DAB1: variants seen among roughly 807,000 people sequenced by gnomAD.
The protein encoded by DAB1 is DAB adaptor protein 1, also known as disabled homolog 1.
In DAB1, 15 loss-of-function variants were observed where a neutral mutation model predicts 64.6. The ratio of observed to expected loss-of-function variants is 0.23; its 90% CI spans 0.16 to 0.36. The LOEUF (loss-of-function observed/expected upper bound fraction) is 0.36, where lower values mean the gene tolerates loss of function less well. DAB1 is among the 10% of genes least tolerant of loss of function. The pLI is 1.00. For missense variants in DAB1, 596 were observed against 706.7 expected (o/e 0.84, Z 1.78); for synonymous variants, 235 against 251.9 (o/e 0.93, Z 0.64).
chr1:57,078,665 A>G (rs1652207768), intron 4 of DAB1, among the ~76,000 whole-genome samples: 1 of 152,172 alleles, frequency 6.6e-6, no homozygotes, highest in South Asian at 2.1e-4. Context: ...ATGTAAAGTG[A>G]CCAGAACAGT....
intron 6 of DAB1, among the ~76,000 whole-genome samples, chr1:57,761,509 T>C (rs1649085831): frequency 6.6e-6 from 1 of 152,172 alleles, no homozygotes; most frequent in African/African-American, 2.4e-5. Flanking sequence ...TTGCTGCCAA[T>C]TTCATTGCTC....
chr1:58,447,857 C>CAA (rs67071278), intron 3 of DAB1, among the ~76,000 whole-genome samples: 11,194 of 43,424 alleles, frequency 0.26, 460 homozygotes, highest in East Asian at 0.48. Context: ...ATGACTTAAA[C>CAA]AAAAAAAAAA....
At chr1:58,024,303 G>A (rs144907612) in intron 5 of DAB1, among the ~76,000 whole-genome samples, 1 of 151,072 alleles carries the variant, frequency 6.6e-6, no homozygotes, top group East Asian at 2.0e-4. Context: ...AGAAGCTCGG[G>A]GTTTGAGTTG....
intron 1 of DAB1, among the ~76,000 whole-genome samples, chr1:57,315,438 G>T (rs985982660): frequency 6.6e-6 from 1 of 152,166 alleles, no homozygotes. Flanking sequence ...CAGATGGGTG[G>T]ATAGTTAGGT....
At chr1:57,737,385 G>A (rs973220559) in intron 6 of DAB1, among the ~76,000 whole-genome samples, 1 of 152,208 alleles carries the variant, frequency 6.6e-6, no homozygotes, top group Non-Finnish European at 1.5e-5. Flanking sequence ...CCACTGGGCT[G>A]CATTTGAATC....
chr1:57,636,169 C>T (rs1646054831), intron 7 of DAB1, among the ~76,000 whole-genome samples: 1 of 151,216 alleles, frequency 6.6e-6, no homozygotes, highest in Non-Finnish European at 1.5e-5. Context: ...AGCACTCTCT[C>T]CCATTCTCTA....
intron 2 of DAB1, among the ~76,000 whole-genome samples, chr1:58,522,517 T>C (rs1172431051): frequency 6.6e-6 from 1 of 152,160 alleles, no homozygotes; most frequent in Non-Finnish European, 1.5e-5. Context: ...AGATACAAAG[T>C]TGCCCATCAC....
intron 3 of DAB1, among the ~76,000 whole-genome samples, chr1:58,353,117 CA>C (rs1384503261): frequency 1.3e-5 from 2 of 151,984 alleles, no homozygotes; most frequent in Admixed American, 1.3e-4. Context: ...CCACTTTTCC[CA>C]AAGGTCCCCT....
chr1:57,343,582 C>G (rs528506968), intron 1 of DAB1, among the ~76,000 whole-genome samples: 2 of 152,232 alleles, frequency 1.3e-5, no homozygotes, highest in African/African-American at 2.4e-5. Flanking sequence ...CTGCAGGTCC[C>G]GAGCCCTGCC....
chr1:57,678,992 C>T (rs987138025), intron 6 of DAB1, among the ~76,000 whole-genome samples: 13 of 151,820 alleles, frequency 8.6e-5, no homozygotes, highest in East Asian at 1.9e-4. Flanking sequence ...AGGAAGGTCT[C>T]GATCTTCTGA....
chr1:57,223,144 C>T (rs916852481), intron 2 of DAB1, among the ~76,000 whole-genome samples: 3 of 152,176 alleles, frequency 2.0e-5, no homozygotes, highest in Non-Finnish European at 4.4e-5. Flanking sequence ...TGCCTCTCCT[C>T]CTTCAGTTCT....
intron 9 of DAB1, among the ~76,000 whole-genome samples, chr1:57,043,543 G>A (rs1648064218): frequency 6.6e-6 from 1 of 152,152 alleles, no homozygotes; most frequent in African/African-American, 2.4e-5. Context: ...GGTCAAAGTG[G>A]TCTTTAAAAA....
chr1:58,545,657 T>C (rs1486909815), intron 1 of DAB1, among the ~76,000 whole-genome samples: 1 of 152,232 alleles, frequency 6.6e-6, no homozygotes, highest in Non-Finnish European at 1.5e-5. Context: ...TTTCAGATCC[T>C]TAATTCTTTA....
intron 3 of DAB1, among the ~76,000 whole-genome samples, chr1:57,143,024 G>T (rs1266978869): frequency 2.6e-5 from 4 of 152,174 alleles, no homozygotes; most frequent in Non-Finnish European, 5.9e-5. Flanking sequence ...GTCCGCTTGG[G>T]ATGGAAGGTA....
At chr1:58,461,183 C>T (rs1047542903) in intron 3 of DAB1, among the ~76,000 whole-genome samples, 1 of 152,102 alleles carries the variant, frequency 6.6e-6, no homozygotes, top group African/African-American at 2.4e-5. Context: ...CTTTTAAAAA[C>T]CTCCATCTTA....
chr1:58,178,048 G>A (rs528444089), intron 4 of DAB1, among the ~76,000 whole-genome samples: 28 of 152,260 alleles, frequency 1.8e-4, no homozygotes, highest in African/African-American at 6.7e-4. Context: ...GAAATAGAAA[G>A]TGTAAGGTTA....
chr1:57,491,414 C>T (rs1213051339), intron 7 of DAB1, among the ~76,000 whole-genome samples: 1 of 151,258 alleles, frequency 6.6e-6, no homozygotes, highest in South Asian at 2.1e-4. Flanking sequence ...GGTGACAGAG[C>T]GAGACTCCAT....
intron 5 of DAB1, among the ~76,000 whole-genome samples, chr1:58,096,347 T>C (rs1019475002): frequency 5.9e-5 from 9 of 152,194 alleles, no homozygotes; most frequent in African/African-American, 2.2e-4. Flanking sequence ...AGGATTATAA[T>C]AACTGTAAAG....
At chr1:57,606,655 G>GAAATATATAATA (rs1558535783) in intron 7 of DAB1, among the ~76,000 whole-genome samples, 1 of 76,126 alleles carries the variant, frequency 1.3e-5, no homozygotes, top group African/African-American at 5.9e-5. Context: ...TATATATTAT[G>GAAATATATAATA]TATGAAATAT....
Sources: gnomAD v4.1 joint callset for allele counts (sites outside exome capture counted in the v4.1 genomes callset) on GRCh38, gnomAD v4.1.1 for gene constraint, MANE v1.5 for transcripts, NCBI Gene and HGNC (gene_info 2026-07-23, HGNC 2026-07-21) for gene names.